The following TMEM154 variants were observed in gnomAD, a reference collection of about 807,000 sequenced individuals.
TMEM154 encodes the protein transmembrane protein 154.
In TMEM154, 27 loss-of-function variants were observed where a neutral mutation model predicts 24.5. The observed-to-expected ratio is 1.10, with a 90% CI of 0.81 to 1.52. The LOEUF is 1.52. Ranked by LOEUF, TMEM154 falls within the 40% of genes most tolerant of loss-of-function variation. The probability of loss-of-function intolerance (pLI) is 0.00; values close to 1 mark genes in which losing one functional copy is unlikely to be tolerated. For missense variants in TMEM154, 228 were observed against 213.4 expected (o/e 1.07, Z -0.43); for synonymous variants, 67 against 76.8 (o/e 0.87, Z 0.67).
In TMEM154 at chr4:152,628,201, G is replaced by T. The variant is rs973107954; in HGVS notation, c.*345C>A. 9.5e-6 allele frequency: 3 copies of T among 315,286 alleles called. No homozygotes were observed. The highest frequency in any genetic ancestry group is 2.2e-5 in the African/African-American group (1 of 46,092). The allele number at this position is 315,286 out of a possible 1,614,324, so 19.5% of individuals were successfully genotyped here. A position where few individuals can be genotyped will look rare whatever the true frequency, so the allele number is the denominator to read the frequency against. On this transcript the variant is annotated 3_prime_UTR_variant, in exon 7 of 7. Coordinates refer to ENST00000304385, the MANE Select transcript of TMEM154 (RefSeq NM_152680.3). ...CTAAGGAATGAAGCAGAAAGGTGAC[G>T]AACATTTATCATGACCAGAGTGAGT...
At position 152,622,139 on chromosome 4, in the gene TMEM154, TTA is replaced by T. The variant is rs1447872535; in HGVS notation, c.*6405_*6406del. 6.6e-6 allele frequency: 1 copy of T among 152,226 alleles called. No homozygotes were observed. The highest frequency in any genetic ancestry group is 1.5e-5 in the Non-Finnish European group (1 of 68,040). 9.4% of individuals were successfully genotyped at this position (152,226 alleles called of 1,614,324 possible). ...GGCCTACTAGAAATATTTTTAAAAG[TTA>T]TATTCTCATAAACAATTAAAATTTC... On this transcript the variant is annotated 3_prime_UTR_variant, in exon 7 of 7. Transcript: ENST00000304385.
Position 152,624,421 on chromosome 4 carries a change from G to A in TMEM154, c.*4125C>T, listed in dbSNP as rs1353443137. On this transcript the variant is annotated 3_prime_UTR_variant, in exon 7 of 7. Coordinates refer to ENST00000304385, the MANE Select transcript of TMEM154 (RefSeq NM_152680.3). ...TCAAAACCAGCCTGAGCAACACGGTGAAACCCTATCTGTACAAAAGATACA... is the reference window on the plus strand; with the variant it reads ...TCAAAACCAGCCTGAGCAACACGGTAAAACCCTATCTGTACAAAAGATACA... 2.0e-5 allele frequency: 3 copies of A among 152,050 alleles called. No individual in the cohort carries two copies. The East Asian group carries it at 5.8e-4, about 29-fold the overall frequency. The allele number at this position is 152,050 out of a possible 1,614,324, so 9.4% of individuals were successfully genotyped here. A position where few individuals can be genotyped will look rare whatever the true frequency, so the allele number is the denominator to read the frequency against.
intron 4 of TMEM154, 37 bp downstream of exon 4, chr4:152,644,378 C>T: frequency 6.2e-7 from 1 of 1,612,560 alleles, no homozygotes; most frequent in Non-Finnish European, 8.5e-7. Flanking sequence ...TTGCTGTTCA[C>T]ACCCCAGGTG....
At chr4:152,631,677 C>T (rs1441749366) in intron 6 of TMEM154, among the ~76,000 whole-genome samples, 1 of 152,092 alleles carries the variant, frequency 6.6e-6, no homozygotes, top group East Asian at 1.9e-4. Context: ...GCAATCCACA[C>T]ACCTCAGCCT....
At chr4:152,637,022 T>C (rs996363268) in intron 6 of TMEM154, among the ~76,000 whole-genome samples, 6 of 152,144 alleles carry the variant, frequency 3.9e-5, no homozygotes, top group African/African-American at 1.4e-4. Context: ...GGTGTGTCAA[T>C]GTAGGTTGAT....
intron 1 of TMEM154, among the ~76,000 whole-genome samples, chr4:152,656,185 G>T (rs146426505): frequency 6.6e-6 from 1 of 152,082 alleles, no homozygotes; most frequent in South Asian, 2.1e-4. Flanking sequence ...GGGACCCAGC[G>T]TGTTGTCCTA....
At chr4:152,644,552 T>G in intron 3 of TMEM154, 110 bp from the exon 4 acceptor site, 1 of 1,064,486 alleles carries the variant, frequency 9.4e-7, no homozygotes, top group Non-Finnish European at 1.4e-6. Flanking sequence ...TGACATTAAG[T>G]AACATTTTTA....
chr4:152,666,430 T>C (rs1247265207), intron 1 of TMEM154: 1 of 152,106 alleles, frequency 6.6e-6, no homozygotes, highest in Admixed American at 6.5e-5. Flanking sequence ...AAGACAGTCA[T>C]TAGTTTTAAA....
rs1728840319 is a variant in TMEM154, at chr4:152,671,671, C to T, written c.64+8199G>A. Among the ~76,000 whole-genome samples the T allele has an allele frequency of 3.3e-5, 4 of 120,406 alleles. No homozygotes were observed. In the Admixed American group the frequency reaches 4.6e-4, roughly 14 times the overall value. 79.0% of individuals were successfully genotyped at this position (120,406 alleles called of 152,430 possible). Reference sequence around the variant, plus strand: ...CTGAGGCAGGAGAATGGCGTGAACCCGGGAGGCGGAGCTTGCAGTGAGCCG... The same window carrying T: ...CTGAGGCAGGAGAATGGCGTGAACCTGGGAGGCGGAGCTTGCAGTGAGCCG... On this transcript the variant is annotated intron_variant, in intron 1 of 6. Coordinates refer to ENST00000304385, the MANE Select transcript of TMEM154 (RefSeq NM_152680.3).
At chr4:152,648,470 G>A (rs1728310780) in intron 3 of TMEM154, among the ~76,000 whole-genome samples, 1 of 152,168 alleles carries the variant, frequency 6.6e-6, no homozygotes, top group African/African-American at 2.4e-5. Flanking sequence ...ATTCCAGCCG[G>A]GGTAACAGAG....
At chr4:152,638,696 A>G (rs1056724811) in intron 6 of TMEM154, among the ~76,000 whole-genome samples, 2 of 152,222 alleles carry the variant, frequency 1.3e-5, no homozygotes, top group African/African-American at 4.8e-5. Context: ...TGAATAAAAA[A>G]TTAACTTTGC....
intron 1 of TMEM154, among the ~76,000 whole-genome samples, chr4:152,660,031 G>T (rs549992274): frequency 6.7e-6 from 1 of 149,950 alleles, no homozygotes; most frequent in African/African-American, 2.4e-5. Context: ...CACGAAAAAC[G>T]AAACTGTGGA....
chr4:152,672,603 T>C (rs1244885299), intron 1 of TMEM154, among the ~76,000 whole-genome samples: 1 of 152,092 alleles, frequency 6.6e-6, no homozygotes, highest in Non-Finnish European at 1.5e-5. Flanking sequence ...GAGAAATGAA[T>C]GGAATGTGAG....
At chr4:152,633,142 G>A (rs918298290) in intron 6 of TMEM154, among the ~76,000 whole-genome samples, 2 of 152,018 alleles carry the variant, frequency 1.3e-5, no homozygotes, top group Non-Finnish European at 2.9e-5. Flanking sequence ...CTCACTGTGG[G>A]ACACTGTCCA....
At position 152,626,915 on chromosome 4, in the gene TMEM154, A is replaced by G. The variant is rs1016703226; in HGVS notation, c.*1631T>C. The G allele has an allele frequency of 4.6e-5, 7 of 152,244 alleles. No homozygotes were observed. The highest frequency in any genetic ancestry group is 8.8e-5 in the Non-Finnish European group (6 of 68,058). The allele number at this position is 152,244 out of a possible 1,614,324, so 9.4% of individuals were successfully genotyped here. On this transcript the variant is annotated 3_prime_UTR_variant, in exon 7 of 7. Transcript: ENST00000304385. ...AGAGTCACTGTGGGCCATGAGTTGA[A>G]AAGGAACATGCAAGAGAGCAAGGAA...
chr4:152,667,363 TGGA>T, intron 1 of TMEM154, among the ~76,000 whole-genome samples: 1 of 152,300 alleles, frequency 6.6e-6, no homozygotes, highest in East Asian at 1.9e-4. Context: ...TACAAGGGAA[TGGA>T]GGAATTGCTT....
chr4:152,647,192 A>G (rs76656151), intron 3 of TMEM154: 56,928 of 969,990 alleles, frequency 0.059, 1,953 homozygotes, highest in East Asian at 0.074. Context: ...ACCCAAGTGC[A>G]GTAAGAAACA....
intron 6 of TMEM154, among the ~76,000 whole-genome samples, chr4:152,629,862 T>C (rs1397803234): frequency 1.3e-5 from 2 of 152,152 alleles, no homozygotes; most frequent in Non-Finnish European, 2.9e-5. Flanking sequence ...AGATAATGGA[T>C]GGATCGATCC....
rs1254062593 is a variant in TMEM154, at chr4:152,661,718, TC to T, written c.65-8792del. 9.2e-5 allele frequency among the ~76,000 whole-genome samples: 14 copies of T among 152,320 alleles called. 1 individual carries two copies. In the East Asian group the frequency reaches 2.7e-3, roughly 29 times the overall value. ...CTAAGGAGTGATCCCCAAGGTCCCA[TC>T]TATTTCCACATCTCTGTTGATTCCA... On this transcript the variant is annotated intron_variant, in intron 1 of 6. Coordinates refer to ENST00000304385, the MANE Select transcript of TMEM154 (RefSeq NM_152680.3).
Sources: allele counts gnomAD v4.1 joint callset (sites outside exome capture counted in the v4.1 genomes callset), GRCh38; gene constraint gnomAD v4.1.1; transcripts MANE v1.5; gene names NCBI Gene and HGNC (gene_info 2026-07-23, HGNC 2026-07-21).